The following KATNAL1 variants were observed in gnomAD, a reference collection of about 807,000 sequenced individuals.
The protein encoded by KATNAL1 is katanin p60 ATPase-containing subunit A-like 1.
In KATNAL1, 32 loss-of-function variants were observed where a neutral mutation model predicts 55.2. That is an observed-to-expected ratio of 0.58 (90% CI 0.44 to 0.78). The LOEUF (loss-of-function observed/expected upper bound fraction) is 0.78, where lower values mean the gene tolerates loss of function less well. KATNAL1 is among the 30% of genes least tolerant of loss of function. KATNAL1 has a pLI of 0.00. For missense variants in KATNAL1, 466 were observed against 600.9 expected, an observed-to-expected ratio of 0.78 and a Z score of 2.35; for synonymous variants, 193 against 193.6, an observed-to-expected ratio of 1.00 and a Z score of 0.02.
intron 1 of KATNAL1, among the ~76,000 whole-genome samples, chr13:30,287,935 T>C (rs890019992): frequency 1.9e-4 from 29 of 152,192 alleles, no homozygotes; most frequent in African/African-American, 6.8e-4. Context: ...ACTTATATAA[T>C]GAGACAAAAA....
At chr13:30,228,811 G>A (rs1875779652) in intron 8 of KATNAL1, among the ~76,000 whole-genome samples, 2 of 152,210 alleles carry the variant, frequency 1.3e-5, no homozygotes, top group South Asian at 4.1e-4. Flanking sequence ...GGAGTGCCAT[G>A]GCACAATTAC....
In KATNAL1 at chr13:30,208,629, C is replaced by T. The variant is rs1367185540; in HGVS notation, c.1384G>A (p.Glu462Lys). 3 of 1,613,836 alleles carry T rather than the reference C, an allele frequency of 1.9e-6. No individual in the cohort carries two copies. Among genetic ancestry groups the T allele is most frequent in the Non-Finnish European group, 1.7e-6 (2 of 1,179,882 alleles). ...TTAGCAATTTTCTTTAGGGCCAATT[C>T]AAAGTCTCCTTTGGTAACAGGCATC... Reference protein sequence around the residue: ...LQMPVTKGDFELALKKIAKSV... With the variant: ...LQMPVTKGDFKLALKKIAKSV... The change falls in exon 11 of 11, where the codon GAA becomes AAA. Residue 462 changes from glutamate to lysine, a missense_variant. Physicochemically the swap from Glu to Lys is moderately conservative, Grantham distance 56. This residue lies in a region of KATNAL1 where 213 missense variants were observed against 308.6 expected (regional missense o/e 0.69). Coordinates refer to ENST00000380615, the MANE Select transcript of KATNAL1 (RefSeq NM_032116.5).
chr13:30,283,475 A>G (rs1463419876), intron 2 of KATNAL1, 141 bp downstream of exon 2: 4 of 596,956 alleles, frequency 6.7e-6, no homozygotes, highest in East Asian at 3.0e-5. Flanking sequence ...ATTCAAGAGT[A>G]TATTTTAAAT....
chr13:30,292,413 C>T (rs1321401750), intron 1 of KATNAL1, among the ~76,000 whole-genome samples: 2 of 151,680 alleles, frequency 1.3e-5, no homozygotes, highest in Non-Finnish European at 2.9e-5. Flanking sequence ...TCCCATGGGG[C>T]AATTTGAAAA....
chr13:30,240,371 T>C (rs1593870797), intron 6 of KATNAL1, 89 bp downstream of exon 6: 1 of 911,024 alleles, frequency 1.1e-6, no homozygotes, highest in African/African-American at 1.7e-5. Context: ...TCAAAATGGG[T>C]TAAATACATC....
At chr13:30,228,440 AT>A (rs1875736909) in intron 8 of KATNAL1, among the ~76,000 whole-genome samples, 1 of 152,082 alleles carries the variant, frequency 6.6e-6, no homozygotes, top group African/African-American at 2.4e-5. Context: ...TACTTCGGTC[AT>A]TATGACAAAG....
At chr13:30,290,007 TTTTGA>T (rs1882032103) in intron 1 of KATNAL1, among the ~76,000 whole-genome samples, 1 of 152,240 alleles carries the variant, frequency 6.6e-6, no homozygotes, top group South Asian at 2.1e-4. Flanking sequence ...AGTATTCTTC[TTTTGA>T]TTTTTCTTCA....
At chr13:30,268,846 TACTC>T (rs1355139157) in intron 3 of KATNAL1, among the ~76,000 whole-genome samples, 2 of 152,314 alleles carry the variant, frequency 1.3e-5, no homozygotes, top group East Asian at 3.9e-4. Context: ...GCATTCTACT[TACTC>T]ATTCTTTCAA....
chr13:30,303,686 T>C (rs979115355), intron 1 of KATNAL1, among the ~76,000 whole-genome samples: 1 of 152,226 alleles, frequency 6.6e-6, no homozygotes, highest in African/African-American at 2.4e-5. Flanking sequence ...ACTGTCAGAA[T>C]TGAAGAATTT....
intron 3 of KATNAL1, among the ~76,000 whole-genome samples, chr13:30,262,631 A>C (rs1403541911): frequency 2.0e-5 from 3 of 152,124 alleles, no homozygotes; most frequent in East Asian, 1.9e-4. Context: ...GAAATGGATA[A>C]ATTCCTCGAC....
At chr13:30,285,951 G>C (rs189373760) in intron 1 of KATNAL1, among the ~76,000 whole-genome samples, 12 of 152,328 alleles carry the variant, frequency 7.9e-5, no homozygotes, top group Admixed American at 5.9e-4. Context: ...GGTGTTTATG[G>C]TATCTGGCAG....
chr13:30,272,122 G>A (rs937100027), intron 3 of KATNAL1, among the ~76,000 whole-genome samples: 7 of 152,150 alleles, frequency 4.6e-5, no homozygotes, highest in Non-Finnish European at 8.8e-5. Context: ...AAAAGGGGCC[G>A]GGAGCAGTGG....
At chr13:30,295,522 G>A (rs1385613998) in intron 1 of KATNAL1, among the ~76,000 whole-genome samples, 2 of 152,046 alleles carry the variant, frequency 1.3e-5, no homozygotes, top group South Asian at 2.1e-4. Flanking sequence ...TCAACATTTC[G>A]GGAGGCCAAG....
chr13:30,264,080 C>T (rs879903122), intron 3 of KATNAL1, among the ~76,000 whole-genome samples: 4 of 150,686 alleles, frequency 2.7e-5, no homozygotes, highest in Non-Finnish European at 5.9e-5. Flanking sequence ...CGCATATCTA[C>T]AACTATCTGA....
At chr13:30,275,514 A>G (rs753832048) in intron 3 of KATNAL1, among the ~76,000 whole-genome samples, 9 of 152,174 alleles carry the variant, frequency 5.9e-5, no homozygotes, top group Non-Finnish European at 1.0e-4. Flanking sequence ...ATATAAAAAG[A>G]GTCAAACTCA....
intron 3 of KATNAL1, among the ~76,000 whole-genome samples, chr13:30,261,415 C>A (rs1427111780): frequency 2.6e-5 from 4 of 152,154 alleles, no homozygotes; most frequent in African/African-American, 9.7e-5. Context: ...TTAAAAGACA[C>A]AGACTGGCAA....
intron 1 of KATNAL1, among the ~76,000 whole-genome samples, chr13:30,297,657 C>T (rs1011064545): frequency 2.6e-5 from 4 of 152,312 alleles, no homozygotes; most frequent in East Asian, 3.9e-4. Context: ...AAACGTGGTA[C>T]ATATATACCA....
intron 3 of KATNAL1, among the ~76,000 whole-genome samples, chr13:30,258,588 A>G (rs1237713934): frequency 6.6e-6 from 1 of 152,192 alleles, no homozygotes; most frequent in Admixed American, 6.5e-5. Flanking sequence ...TCAATATTTT[A>G]TATTTAATGC....
In KATNAL1 at chr13:30,203,982, A is replaced by C. The variant is rs1057095973; in HGVS notation, c.*4558T>G. On this transcript the variant is annotated 3_prime_UTR_variant, in exon 11 of 11. Coordinates refer to ENST00000380615, the MANE Select transcript of KATNAL1 (RefSeq NM_032116.5). ...AGTTTTTAGCTTTTTCTGTAAAAAT[A>C]GTTAGTGGAGATGACAGTAAAACAT... 3 of 152,302 alleles carry C rather than the reference A, an allele frequency of 2.0e-5. No individual in the cohort carries two copies. The highest frequency in any genetic ancestry group is 4.4e-5 in the Non-Finnish European group (3 of 68,010). The allele number at this position is 152,302 out of a possible 1,614,324, so 9.4% of individuals were successfully genotyped here.
Sources: allele counts gnomAD v4.1 joint callset (sites outside exome capture counted in the v4.1 genomes callset), GRCh38; gene constraint gnomAD v4.1.1; regional missense constraint gnomAD v4.1.1; transcripts MANE v1.5; gene names NCBI Gene and HGNC (gene_info 2026-07-23, HGNC 2026-07-21).